ERP44: variants seen among roughly 807,000 people sequenced by gnomAD.
ERP44 encodes endoplasmic reticulum resident protein 44.
Under a neutral mutation model 53.4 loss-of-function variants are expected in ERP44, and 25 were observed. That is an observed-to-expected ratio of 0.47 (90% CI 0.34 to 0.65). ERP44 has a LOEUF of 0.65. ERP44 is among the 30% of genes least tolerant of loss of function. The pLI is 0.01. For synonymous variants in ERP44, 145 were observed against 161.2 expected, an observed-to-expected ratio of 0.90 and a Z score of 0.76; for missense variants, 338 against 493.2, an observed-to-expected ratio of 0.69 and a Z score of 2.98.
At chr9:100,035,948 G>A (rs1255967342) in intron 4 of ERP44, among the ~76,000 whole-genome samples, 2 of 152,178 alleles carry the variant, frequency 1.3e-5, no homozygotes, top group African/African-American at 4.8e-5. Context: ...AACTGTTGAT[G>A]GGAAAGTAAA....
intron 1 of ERP44, among the ~76,000 whole-genome samples, chr9:100,062,525 T>G (rs1474139075): frequency 6.6e-6 from 1 of 152,218 alleles, no homozygotes; most frequent in Non-Finnish European, 1.5e-5. Flanking sequence ...GTTGGCATTA[T>G]TGAAGTCAAG....
intron 10 of ERP44, chr9:99,998,781 GTTC>G: frequency 1.2e-6 from 1 of 855,576 alleles, no homozygotes; most frequent in Non-Finnish European, 1.9e-6. Flanking sequence ...CTCCTCCTCC[GTTC>G]TTCTCGCTTC....
At chr9:99,995,235 G>A (rs947945081) in intron 10 of ERP44, among the ~76,000 whole-genome samples, 4 of 152,116 alleles carry the variant, frequency 2.6e-5, no homozygotes, top group Non-Finnish European at 5.9e-5. Context: ...AGTTCTAGGA[G>A]CTTTTTAATA....
chr9:100,074,639 T>C (rs1170353477), intron 1 of ERP44, among the ~76,000 whole-genome samples: 1 of 152,136 alleles, frequency 6.6e-6, no homozygotes, highest in African/African-American at 2.4e-5. Context: ...ATTTATGCAG[T>C]GAATCTTTGT....
chr9:100,004,450 G>A (rs1830407830), intron 10 of ERP44, among the ~76,000 whole-genome samples: 1 of 152,186 alleles, frequency 6.6e-6, no homozygotes, highest in South Asian at 2.1e-4. Flanking sequence ...CCAGCCTGGG[G>A]CTTGGAGATA....
rs1327006583 is a variant in ERP44 at position 100,007,391 on chromosome 9, CA to C, written c.874+186del. Among the ~76,000 whole-genome samples the C allele has an allele frequency of 4.6e-5, 7 of 152,116 alleles. No homozygotes were observed. The East Asian group carries it at 1.4e-3, about 29-fold the overall frequency. On this transcript the variant is annotated intron_variant, in intron 9 of 11. Coordinates refer to ENST00000262455, the MANE Select transcript of ERP44 (RefSeq NM_015051.3). ...TAGTAATGGTTAGAAAACAAACAAA[CA>C]AAAAAACACTACCTCATATTATCTC...
chr9:100,067,175 C>CTCTCCCTCTCCCTCTCCCCACGG (rs1175579586), intron 1 of ERP44, among the ~76,000 whole-genome samples: 1 of 151,824 alleles, frequency 6.6e-6, no homozygotes, highest in African/African-American at 2.4e-5. Context: ...CTCGCTCTCC[C>CTCTCCCTCTCCCTCTCCCCACGG]TCTCCCTCTC....
chr9:99,988,850 T>C (rs920863550), intron 10 of ERP44, among the ~76,000 whole-genome samples: 3 of 152,128 alleles, frequency 2.0e-5, no homozygotes, highest in Admixed American at 2.0e-4. Flanking sequence ...TTTCCAATGA[T>C]CTTAGCAAAC....
chr9:100,089,068 G>A (rs189329459), intron 1 of ERP44, among the ~76,000 whole-genome samples: 1 of 152,246 alleles, frequency 6.6e-6, no homozygotes, highest in East Asian at 1.9e-4. Flanking sequence ...GTTTTAAATT[G>A]CATGCAGTTC....
At position 99,982,757 on chromosome 9, in the gene ERP44, T is replaced by C. The variant is rs866759484; in HGVS notation, c.1120-44A>G. 13 of 1,250,996 alleles carry C rather than the reference T, an allele frequency of 1.0e-5. No homozygotes were observed. In the Middle Eastern group the frequency reaches 2.5e-3, roughly 239 times the overall value. The allele number at this position is 1,250,996 out of a possible 1,614,324, so 77.5% of individuals were successfully genotyped here. ...AACATTTTTATACCAATATAGTTTA[T>C]GGTGCTATAATATTTTAATAAGTGT... is the stretch of plus-strand genomic sequence containing the variant. On this transcript the variant is annotated intron_variant, in intron 11 of 11. Coordinates refer to ENST00000262455, the MANE Select transcript of ERP44 (RefSeq NM_015051.3).
At chr9:100,011,126 T>TA (rs1830472446) in intron 8 of ERP44, among the ~76,000 whole-genome samples, 1 of 152,140 alleles carries the variant, frequency 6.6e-6, no homozygotes, top group Non-Finnish European at 1.5e-5. Flanking sequence ...TGCTTGTACT[T>TA]AACTATTCTA....
At chr9:100,098,082 T>C (rs963115114) in intron 1 of ERP44, among the ~76,000 whole-genome samples, 1 of 152,168 alleles carries the variant, frequency 6.6e-6, no homozygotes, top group Non-Finnish European at 1.5e-5. Context: ...TAGGGAAAGA[T>C]TCTTTTAAGA....
At chr9:99,996,907 A>G (rs1377028891) in intron 10 of ERP44, among the ~76,000 whole-genome samples, 2 of 19,018 alleles carry the variant, frequency 1.1e-4, no homozygotes, top group Non-Finnish European at 1.5e-4. Flanking sequence ...GTATATATAT[A>G]CATATATATA....
At chr9:100,040,238 A>C (rs1183440167) in intron 4 of ERP44, among the ~76,000 whole-genome samples, 2 of 152,078 alleles carry the variant, frequency 1.3e-5, no homozygotes, top group African/African-American at 4.8e-5. Context: ...ACTACAGGCC[A>C]ATAAATATTG....
At chr9:100,031,863 A>G (rs1053851232) in intron 4 of ERP44, among the ~76,000 whole-genome samples, 3 of 152,072 alleles carry the variant, frequency 2.0e-5, no homozygotes, top group African/African-American at 7.2e-5. Context: ...TCCTCTCAAA[A>G]TCTAAGGTTC....
intron 1 of ERP44, among the ~76,000 whole-genome samples, chr9:100,067,986 G>A (rs1293477322): frequency 2.0e-5 from 3 of 151,522 alleles, no homozygotes; most frequent in African/African-American, 4.8e-5. Context: ...GGGAGGTGGG[G>A]GTCAGCCCCC....
chr9:100,011,854 G>A (rs566748172), intron 8 of ERP44, among the ~76,000 whole-genome samples: 1 of 152,246 alleles, frequency 6.6e-6, no homozygotes, highest in Non-Finnish European at 1.5e-5. Flanking sequence ...TAGAAATAAA[G>A]GTTGAGTATC....
chr9:100,013,326 G>A (rs964379095), intron 8 of ERP44, among the ~76,000 whole-genome samples: 1 of 151,826 alleles, frequency 6.6e-6, no homozygotes, highest in Non-Finnish European at 1.5e-5. Context: ...GAGTAATAAT[G>A]GATGTAATCT....
rs1030510852 is a variant in ERP44, at chr9:99,979,350, A to G, written c.*3262T>C. 3 of 151,676 alleles carry G rather than the reference A, an allele frequency of 2.0e-5. No individual in the cohort carries two copies. Among genetic ancestry groups the G allele is most frequent in the African/African-American group, 7.2e-5 (3 of 41,404 alleles). 9.4% of individuals were successfully genotyped at this position (151,676 alleles called of 1,614,324 possible). A position where few individuals can be genotyped will look rare whatever the true frequency, so the allele number is the denominator to read the frequency against. On this transcript the variant is annotated 3_prime_UTR_variant, in exon 12 of 12. Transcript: ENST00000262455. The stretch of plus-strand genomic sequence containing the variant: ...GAAAAAAAAAAAAGCCTTCTTGACA[A>G]CCTTAGCATTTTCTATAAATTTAAG...
Sources: allele counts gnomAD v4.1 joint callset (sites outside exome capture counted in the v4.1 genomes callset), GRCh38; gene constraint gnomAD v4.1.1; transcripts MANE v1.5; gene names NCBI Gene and HGNC (gene_info 2026-07-23, HGNC 2026-07-21).